FXN: variants seen among roughly 807,000 people sequenced by gnomAD.
FXN encodes the protein frataxin.
A neutral mutation model predicts 22.4 loss-of-function variants in FXN; 14 were observed. That is an observed-to-expected ratio of 0.62 (90% CI 0.41 to 0.98). The LOEUF is 0.98. FXN is among the 50% of genes least tolerant of loss of function. The pLI, the probability that FXN is intolerant of heterozygous loss-of-function variation, is 0.00. For missense variants in FXN, 267 were observed against 268.4 expected (o/e 0.99, Z 0.04); for synonymous variants, 120 against 114.1 (o/e 1.05, Z -0.33).
chr9:69,070,992 T>TTTG lies in FXN; in HGVS notation c.483-1618_483-1617insGTT, dbSNP rs559283143. On this transcript the variant is annotated intron_variant, in intron 4 of 4. Coordinates refer to ENST00000484259, the MANE Select transcript of FXN (RefSeq NM_000144.5). Reference sequence around the variant, plus strand: ...GCCTGTTTTTTTTGTTTGTTTGTTTTTTTTAATTTGACAAGTTTTCAGGTC... The same window carrying TTTG: ...GCCTGTTTTTTTTGTTTGTTTGTTTTTTGTTTTAATTTGACAAGTTTTCAGGTC... Among the ~76,000 whole-genome samples the TTTG allele has an allele frequency of 3.9e-3, 592 of 151,800 alleles. 7 individuals carry two copies. The highest frequency in any genetic ancestry group is 0.014 in the African/African-American group (565 of 41,392).
chr9:69,068,374 C>G (rs1430186743), intron 4 of FXN, among the ~76,000 whole-genome samples: 3 of 152,218 alleles, frequency 2.0e-5, no homozygotes, highest in Non-Finnish European at 4.4e-5. Flanking sequence ...CCCCTCCCCC[C>G]AGCCCAACAG....
chr9:69,038,823 T>C (rs914495796), intron 1 of FXN, among the ~76,000 whole-genome samples: 2 of 152,200 alleles, frequency 1.3e-5, no homozygotes, highest in African/African-American at 4.8e-5. Context: ...ATATCTTGCA[T>C]ACTCTTTTCG....
intron 2 of FXN, among the ~76,000 whole-genome samples, chr9:69,050,139 T>G (rs895772077): frequency 1.3e-5 from 2 of 152,230 alleles, no homozygotes; most frequent in African/African-American, 4.8e-5. Context: ...AACTGTCTCA[T>G]TAAGTATAAA....
intron 1 of FXN, among the ~76,000 whole-genome samples, chr9:69,040,968 C>G (rs7020927): frequency 0.013 from 2,003 of 152,284 alleles, 56 homozygotes; most frequent in African/African-American, 0.044. Context: ...GATTTCCCAC[C>G]CTCCAGGACT....
Position 69,076,896 on chromosome 9 carries a change from A to T in FXN, c.*4134A>T. On this transcript the variant is annotated 3_prime_UTR_variant, in exon 5 of 5. Transcript: ENST00000484259. ...TGCTGTTCAAAACGACGAGTTCATG[A>T]CTTTGTGTATAGAGTAAGAAATGCC... 2 of 985,436 alleles carry T rather than the reference A, an allele frequency of 2.0e-6. No homozygotes were observed. Among genetic ancestry groups the T allele is most frequent in the Non-Finnish European group, 2.4e-6 (2 of 829,950 alleles). 61.0% of individuals were successfully genotyped at this position (985,436 alleles called of 1,614,324 possible).
At chr9:69,036,059 A>G (rs1449393154) in intron 1 of FXN, 112 bp downstream of exon 1, 2 of 955,954 alleles carry the variant, frequency 2.1e-6, no homozygotes, top group Non-Finnish European at 2.7e-6. Context: ...CGCGCGCTGG[A>G]CTAGCTCACC....
At chr9:69,067,317 C>T (rs1024515561) in intron 4 of FXN, among the ~76,000 whole-genome samples, 2 of 152,238 alleles carry the variant, frequency 1.3e-5, no homozygotes, top group Admixed American at 6.5e-5. Flanking sequence ...AGGAGCAGGC[C>T]GGAGCGCGGG....
At chr9:69,046,518 C>T (rs1230770962) in intron 2 of FXN, 36 bp downstream of exon 2, 1 of 1,424,892 alleles carries the variant, frequency 7.0e-7, no homozygotes, top group Non-Finnish European at 9.9e-7. Flanking sequence ...TAGGTATCTT[C>T]CTCTCTCCTT....
chr9:69,052,037 G>A (rs773740446), intron 2 of FXN, among the ~76,000 whole-genome samples: 4 of 151,278 alleles, frequency 2.6e-5, no homozygotes, highest in East Asian at 1.9e-4. Flanking sequence ...TAGTAGAGGC[G>A]AGGTTTCACC....
chr9:69,075,446 C>G lies in FXN; in HGVS notation c.*2684C>G. 1 of 887,564 alleles carries G rather than the reference C, an allele frequency of 1.1e-6. No individual in the cohort carries two copies. Among genetic ancestry groups the G allele is most frequent in the Non-Finnish European group, 1.3e-6 (1 of 747,470 alleles). The allele number at this position is 887,564 out of a possible 1,614,324, so 55.0% of individuals were successfully genotyped here. On this transcript the variant is annotated 3_prime_UTR_variant, in exon 5 of 5. Transcript: ENST00000484259. Reference sequence around the variant, plus strand: ...CTTCACTCCAGCCTGGCCAACAGAGCCATACTCCGTCTCAAATAAATAAAT... The same window carrying G: ...CTTCACTCCAGCCTGGCCAACAGAGGCATACTCCGTCTCAAATAAATAAAT...
intron 1 of FXN, among the ~76,000 whole-genome samples, chr9:69,042,042 C>T (rs1831666905): frequency 6.6e-6 from 1 of 152,012 alleles, no homozygotes; most frequent in Admixed American, 6.6e-5. Flanking sequence ...GGAGTGAGAC[C>T]AGCCTGACCA....
chr9:69,077,577 T>C lies in FXN; in HGVS notation c.*4815T>C. The C allele has an allele frequency of 2.0e-6, 2 of 985,482 alleles. No individual in the cohort carries two copies. The highest frequency in any genetic ancestry group is 4.7e-5 in the South Asian group (1 of 21,288). The allele number at this position is 985,482 out of a possible 1,614,324, so 61.0% of individuals were successfully genotyped here. A position where few individuals can be genotyped will look rare whatever the true frequency, so the allele number is the denominator to read the frequency against. The stretch of plus-strand genomic sequence containing the variant: ...ACTAGTGCAAGAAGGGCCTCTGCTG[T>C]CCACTTGTGTTTCTGTGATCTGTGG... On this transcript the variant is annotated 3_prime_UTR_variant, in exon 5 of 5. Transcript: ENST00000484259.
At chr9:69,041,966 G>A (rs966018227) in intron 1 of FXN, among the ~76,000 whole-genome samples, 1 of 152,200 alleles carries the variant, frequency 6.6e-6, no homozygotes, top group African/African-American at 2.4e-5. Flanking sequence ...ATCATGGCCA[G>A]GTGCGGTGGC....
intron 1 of FXN, among the ~76,000 whole-genome samples, chr9:69,042,391 C>T (rs554514050): frequency 6.6e-6 from 1 of 152,190 alleles, no homozygotes; most frequent in East Asian, 1.9e-4. Flanking sequence ...GCCTGAATAC[C>T]CTCAGGCTCT....
chr9:69,056,133 C>G (rs933188438), intron 3 of FXN, among the ~76,000 whole-genome samples: 2 of 152,158 alleles, frequency 1.3e-5, no homozygotes, highest in Non-Finnish European at 2.9e-5. Context: ...CTCACCTCGG[C>G]CTCCCAAAGC....
Position 69,075,454 on chromosome 9 carries a change from C to T in FXN, c.*2692C>T, listed in dbSNP as rs7866067. The stretch of plus-strand genomic sequence containing the variant: ...CAGCCTGGCCAACAGAGCCATACTC[C>T]GTCTCAAATAAATAAATAAATAAAT... On this transcript the variant is annotated 3_prime_UTR_variant, in exon 5 of 5. Coordinates refer to ENST00000484259, the MANE Select transcript of FXN (RefSeq NM_000144.5). The T allele has an allele frequency of 0.47, 449,893 of 959,974 alleles. 106,941 individuals are homozygous for T. Among genetic ancestry groups the T allele is most frequent in the East Asian group, 0.65 (5,608 of 8,632 alleles). 59.5% of individuals were successfully genotyped at this position (959,974 alleles called of 1,614,324 possible).
chr9:69,048,466 G>C (rs183893312), intron 2 of FXN, among the ~76,000 whole-genome samples: 10 of 152,164 alleles, frequency 6.6e-5, no homozygotes, highest in Non-Finnish European at 5.9e-5. Context: ...TTAGCCAGGC[G>C]TGGTGGCAGG....
chr9:69,061,909 C>T (rs980634961), intron 3 of FXN, among the ~76,000 whole-genome samples: 2 of 152,078 alleles, frequency 1.3e-5, no homozygotes, highest in Non-Finnish European at 2.9e-5. Flanking sequence ...GCCACATTTT[C>T]TTAATCCAGT....
chr9:69,042,165 G>C (rs1055352263), intron 1 of FXN, among the ~76,000 whole-genome samples: 1 of 151,690 alleles, frequency 6.6e-6, no homozygotes, highest in African/African-American at 2.4e-5. Flanking sequence ...TTGAACCCGG[G>C]AGGCGGAGGT....
Sources: gnomAD v4.1 joint callset for allele counts (sites outside exome capture counted in the v4.1 genomes callset) on GRCh38, gnomAD v4.1.1 for gene constraint, MANE v1.5 for transcripts, NCBI Gene and HGNC (gene_info 2026-07-23, HGNC 2026-07-21) for gene names.